Variants in EPS8 observed in about 807,000 individuals in gnomAD.
EPS8 encodes epidermal growth factor receptor kinase substrate 8.
In EPS8, 42 loss-of-function variants were observed where a neutral mutation model predicts 103.8. The observed-to-expected ratio is 0.40, with a 90% CI of 0.32 to 0.52. The LOEUF is 0.52. Ranked by LOEUF, EPS8 falls within the 20% of genes least tolerant of loss-of-function variation. The pLI, the probability that EPS8 is intolerant of heterozygous loss-of-function variation, is 0.40. For synonymous variants in EPS8, 344 were observed against 344.6 expected (o/e 1.00, Z 0.02); for missense variants, 969 against 1,005.1 (o/e 0.96, Z 0.49).
At position 15,761,764 on chromosome 12, in the gene EPS8, C is replaced by T. The variant is rs1047268919; in HGVS notation, c.-22+27397G>A. 2.0e-5 allele frequency among the ~76,000 whole-genome samples: 3 copies of T among 152,044 alleles called. No individual in the cohort carries two copies. Among genetic ancestry groups the T allele is most frequent in the Non-Finnish European group, 2.9e-5 (2 of 67,988 alleles). ...AGAAGGAAACTAGACCCCTATCTCT[C>T]GCCACATCCAAAAATCAAAGCTAAA... On this transcript the variant is annotated intron_variant, in intron 1 of 20. Coordinates refer to ENST00000281172, the MANE Select transcript of EPS8 (RefSeq NM_004447.6). This position sits in a 1 kb window ranked among gnomAD's most constrained non-coding sequence, Gnocchi z 4.5.
At chr12:15,624,185 G>A (rs776481251) in intron 19 of EPS8, 42 bp downstream of exon 19, 1 of 1,512,950 alleles carries the variant, frequency 6.6e-7, no homozygotes, top group Admixed American at 1.7e-5. Context: ...AACAATGCAT[G>A]TTGTACACAC....
At position 15,748,690 on chromosome 12, in the gene EPS8, C is replaced by G. The variant is rs1463962099; in HGVS notation, c.-22+40471G>C. On this transcript the variant is annotated intron_variant, in intron 1 of 20. Coordinates refer to ENST00000281172, the MANE Select transcript of EPS8 (RefSeq NM_004447.6). This position sits in a 1 kb window ranked among gnomAD's most constrained non-coding sequence, Gnocchi z 4.8. ...CCAGTTAGTTTAAAATGGAATAACT[C>G]TAGATAGAAAATTCTATTCTGCAAC... Among the ~76,000 whole-genome samples the G allele has an allele frequency of 6.6e-6, 1 of 152,098 alleles. No individual in the cohort carries two copies. Among genetic ancestry groups the G allele is most frequent in the Admixed American group, 6.5e-5 (1 of 15,280 alleles).
intron 18 of EPS8, among the ~76,000 whole-genome samples, chr12:15,629,248 T>C (rs1016123135): frequency 1.3e-5 from 2 of 152,222 alleles, no homozygotes; most frequent in Non-Finnish European, 2.9e-5. Flanking sequence ...AGGTTATTCT[T>C]GGTTTCTCAG....
intron 20 of EPS8, among the ~76,000 whole-genome samples, chr12:15,622,678 G>A (rs188196152): frequency 3.1e-4 from 47 of 151,838 alleles, no homozygotes; most frequent in Admixed American, 2.7e-3. Flanking sequence ...TCTATTTTCA[G>A]TGATCTCTAC....
At chr12:15,699,512 TCTTTAAATA>T (rs1946285374) in intron 1 of EPS8, among the ~76,000 whole-genome samples, 1 of 152,226 alleles carries the variant, frequency 6.6e-6, no homozygotes, top group East Asian at 1.9e-4. Context: ...AGAGAAGTTT[TCTTTAAATA>T]CTAGTTATAA....
intron 1 of EPS8, among the ~76,000 whole-genome samples, chr12:15,774,567 T>C (rs1039462660): frequency 6.7e-6 from 1 of 148,292 alleles, no homozygotes; most frequent in East Asian, 1.9e-4. Flanking sequence ...TATACATATA[T>C]ATATATATAC....
At chr12:15,657,822 A>G (rs1945534274) in intron 12 of EPS8, 1 of 375,184 alleles carries the variant, frequency 2.7e-6, no homozygotes, top group Non-Finnish European at 4.8e-6. Flanking sequence ...GGTATCCAAT[A>G]AATCTTTATT....
chr12:15,732,658 G>T, intron 1 of EPS8: 1 of 461,818 alleles, frequency 2.2e-6, no homozygotes, highest in Non-Finnish European at 2.8e-6. Context: ...TTTTGGAGAA[G>T]TCAAATAAAT....
chr12:15,647,872 T>C (rs1326668106), intron 14 of EPS8, among the ~76,000 whole-genome samples: 1 of 152,202 alleles, frequency 6.6e-6, no homozygotes, highest in Admixed American at 6.5e-5. Context: ...GCAGCAGGAC[T>C]GGTTTCATGG....
chr12:15,761,624 A>G lies in EPS8; in HGVS notation c.-22+27537T>C, dbSNP rs1947042592. Among the ~76,000 whole-genome samples, 1 of 152,154 alleles carries G rather than the reference A, an allele frequency of 6.6e-6. No individual in the cohort carries two copies. The highest frequency in any genetic ancestry group is 2.1e-4 in the South Asian group (1 of 4,830). ...AGAAAAGAATAGAGAACCCAGAAAC[A>G]AATCCACACATCTACAGTCGACTCA... On this transcript the variant is annotated intron_variant, in intron 1 of 20. Transcript: ENST00000281172. This position sits in a 1 kb window ranked among gnomAD's most constrained non-coding sequence, Gnocchi z 4.5.
At chr12:15,681,445 T>G in intron 2 of EPS8, 143 bp from the exon 3 acceptor site, 1 of 287,996 alleles carries the variant, frequency 3.5e-6, no homozygotes, top group Non-Finnish European at 6.0e-6. Context: ...AAGAACATAC[T>G]GATGGCCAGG....
In EPS8 at chr12:15,759,409, G is replaced by A. The variant is rs932581918; in HGVS notation, c.-22+29752C>T. 1.3e-5 allele frequency among the ~76,000 whole-genome samples: 2 copies of A among 152,128 alleles called. No homozygotes were observed. The highest frequency in any genetic ancestry group is 2.4e-5 in the African/African-American group (1 of 41,534). ...AAAAAAATTATAATGACCATCTACT[G>A]TATTTAATATTTATCCATTAAGAAA... On this transcript the variant is annotated intron_variant, in intron 1 of 20. Coordinates refer to ENST00000281172, the MANE Select transcript of EPS8 (RefSeq NM_004447.6). This position sits in a 1 kb window ranked among gnomAD's most constrained non-coding sequence, Gnocchi z 4.9.
chr12:15,720,930 C>T (rs1946588263), intron 1 of EPS8, among the ~76,000 whole-genome samples: 1 of 152,190 alleles, frequency 6.6e-6, no homozygotes, highest in African/African-American at 2.4e-5. Flanking sequence ...ATCCCCAAAC[C>T]TAACCCACCC....
intron 6 of EPS8, among the ~76,000 whole-genome samples, chr12:15,667,109 G>A (rs1408808873): frequency 6.6e-6 from 1 of 152,162 alleles, no homozygotes; most frequent in Non-Finnish European, 1.5e-5. Flanking sequence ...GGAGCAACGT[G>A]AGATTAGCAG....
At chr12:15,699,457 C>G (rs2950439) in intron 1 of EPS8, among the ~76,000 whole-genome samples, 66 of 152,340 alleles carry the variant, frequency 4.3e-4, no homozygotes, top group African/African-American at 1.5e-3. Flanking sequence ...ATCTATATCT[C>G]TCAGTTCCTT....
Position 15,734,765 on chromosome 12 carries a change from TTTG to T in EPS8, c.-21-51796_-21-51794del, listed in dbSNP as rs1365918363. Among the ~76,000 whole-genome samples the T allele has an allele frequency of 6.6e-6, 1 of 152,130 alleles. No homozygotes were observed. Among genetic ancestry groups the T allele is most frequent in the East Asian group, 1.9e-4 (1 of 5,200 alleles). ...ACAAAAAAGATTCTCTGCACGTAACTTTGTTAATTCCCATTTAACTCACTGTGA... is the reference window on the plus strand; with the variant it reads ...ACAAAAAAGATTCTCTGCACGTAACTTTAATTCCCATTTAACTCACTGTGA... On this transcript the variant is annotated intron_variant, in intron 1 of 20. Transcript: ENST00000281172. This position sits in a 1 kb window ranked among gnomAD's most constrained non-coding sequence, Gnocchi z 4.1.
Position 15,682,916 on chromosome 12 carries a change from A to C in EPS8, c.36T>G (p.Phe12Leu). The C allele has an allele frequency of 6.3e-7, 1 of 1,584,900 alleles. No individual in the cohort carries two copies. The highest frequency in any genetic ancestry group is 2.3e-5 in the East Asian group (1 of 44,088). Residue 12 changes from phenylalanine to leucine, a missense_variant, in exon 2 of 21, where the codon TTT becomes TTG. Physicochemically the swap from Phe to Leu is conservative, Grantham distance 22. Coordinates refer to ENST00000281172, the MANE Select transcript of EPS8 (RefSeq NM_004447.6). ...ACTTCATCTGAGATGGGTACATTCCAAAACTACTGGGATGATTAGAAATAT... is the reference window on the plus strand; with the variant it reads ...ACTTCATCTGAGATGGGTACATTCCCAAACTACTGGGATGATTAGAAATAT... Reference protein sequence around the residue: ...NGHISNHPSSFGMYPSQMNGY... With the variant: ...NGHISNHPSSLGMYPSQMNGY...
intron 1 of EPS8, among the ~76,000 whole-genome samples, chr12:15,743,013 C>T (rs1017246021): frequency 2.0e-5 from 3 of 152,090 alleles, no homozygotes; most frequent in Non-Finnish European, 4.4e-5. Flanking sequence ...CTAGAAAACC[C>T]CATCGTCTCA....
At chr12:15,649,491 T>C (rs981939612) in intron 14 of EPS8, among the ~76,000 whole-genome samples, 12 of 152,138 alleles carry the variant, frequency 7.9e-5, no homozygotes, top group Admixed American at 4.6e-4. Context: ...TTCACAGTGA[T>C]GAGGCCTGAA....
Sources: allele counts gnomAD v4.1 joint callset (sites outside exome capture counted in the v4.1 genomes callset), GRCh38; gene constraint gnomAD v4.1.1; non-coding constraint Gnocchi (gnomAD v3.1); transcripts MANE v1.5; gene names NCBI Gene and HGNC (gene_info 2026-07-23, HGNC 2026-07-21).